Variants in SRGAP3 observed in about 807,000 individuals in gnomAD.
SRGAP3 encodes SLIT-ROBO Rho GTPase activating protein 3.
SRGAP3 carries 39 observed loss-of-function variants against 121.1 expected under a neutral mutation model. The observed-to-expected ratio is 0.32, with a 90% CI of 0.25 to 0.42. The LOEUF (loss-of-function observed/expected upper bound fraction) is 0.42, where lower values mean the gene tolerates loss of function less well. SRGAP3 is among the 10% of genes least tolerant of loss of function. SRGAP3 has a pLI of 1.00. For synonymous variants in SRGAP3, 601 were observed against 570.0 expected (o/e 1.05, Z -0.77); for missense variants, 1,213 against 1,470.6 (o/e 0.82, Z 2.86).
chr3:9,171,902 G>A (rs1950988819), intron 1 of SRGAP3, among the ~76,000 whole-genome samples: 1 of 152,028 alleles, frequency 6.6e-6, no homozygotes, highest in Non-Finnish European at 1.5e-5. Context: ...AAGGCTGTGA[G>A]GGTGAATCTG....
At chr3:9,305,358 CCT>C (rs1396156639) in intron 3 of SRGAP3, among the ~76,000 whole-genome samples, 7 of 140,454 alleles carry the variant, frequency 5.0e-5, no homozygotes, top group East Asian at 2.1e-4. Flanking sequence ...CACAGGAGGT[CCT>C]CTCTTTTTTT....
At chr3:8,986,118 C>T (rs1941691528) in intron 21 of SRGAP3, among the ~76,000 whole-genome samples, 186 bp from the exon 22 acceptor site, 2 of 152,150 alleles carry the variant, frequency 1.3e-5, no homozygotes. Context: ...TGCATGCTGC[C>T]TTGCACAGGA....
chr3:9,269,930 G>T (rs1954440756), intron 3 of SRGAP3, among the ~76,000 whole-genome samples: 1 of 152,120 alleles, frequency 6.6e-6, no homozygotes, highest in African/African-American at 2.4e-5. Context: ...AAGGAGGAAG[G>T]GAGGGAGGGA....
chr3:9,127,788 C>T (rs1949297150), intron 1 of SRGAP3, among the ~76,000 whole-genome samples: 2 of 152,116 alleles, frequency 1.3e-5, no homozygotes, highest in African/African-American at 2.4e-5. Context: ...CATGGTGGCA[C>T]ATGCCTCTAG....
At chr3:9,355,664 C>G (rs1018205639) in intron 1 of SRGAP3, 3 of 152,372 alleles carry the variant, frequency 2.0e-5, no homozygotes, top group Non-Finnish European at 4.4e-5. Flanking sequence ...CTCTCCAGCA[C>G]CGTCCACCAA....
At chr3:9,235,988 A>T (rs1334175645) in intron 1 of SRGAP3, 2 of 158,238 alleles carry the variant, frequency 1.3e-5, no homozygotes, top group African/African-American at 4.8e-5. Flanking sequence ...CATCCATACC[A>T]TCTTCAAGGT....
intron 1 of SRGAP3, among the ~76,000 whole-genome samples, chr3:9,207,441 C>T (rs188200204): frequency 1.5e-4 from 23 of 152,304 alleles, no homozygotes; most frequent in Non-Finnish European, 3.1e-4. Context: ...CAAAATCAAG[C>T]AAGTAATCCC....
intron 18 of SRGAP3, among the ~76,000 whole-genome samples, chr3:9,006,466 T>G (rs1047865522): frequency 6.7e-6 from 1 of 150,206 alleles, no homozygotes; most frequent in African/African-American, 2.4e-5. Context: ...TGTGCATAAA[T>G]CAACTAATGT....
intron 21 of SRGAP3, 107 bp downstream of exon 21, chr3:8,990,405 G>A (rs927366091): frequency 1.4e-6 from 2 of 1,398,104 alleles, no homozygotes; most frequent in Non-Finnish European, 2.0e-6. Context: ...CTCTGGCTTA[G>A]CCATGAGCCT....
At chr3:8,986,733 T>A (rs1941726814) in intron 21 of SRGAP3, among the ~76,000 whole-genome samples, 1 of 152,032 alleles carries the variant, frequency 6.6e-6, no homozygotes, top group African/African-American at 2.4e-5. Flanking sequence ...AATCAGAAAA[T>A]TTTTTTAAAA....
intron 1 of SRGAP3, among the ~76,000 whole-genome samples, chr3:9,181,093 A>G (rs1951382581): frequency 6.6e-6 from 1 of 152,214 alleles, no homozygotes; most frequent in Non-Finnish European, 1.5e-5. Flanking sequence ...ACTTCTTTAA[A>G]TTTCAGTTTC....
chr3:9,144,246 G>GT (rs1466085302), intron 1 of SRGAP3, among the ~76,000 whole-genome samples: 1 of 152,212 alleles, frequency 6.6e-6, no homozygotes, highest in Non-Finnish European at 1.5e-5. Flanking sequence ...TATGTGGCCT[G>GT]TAAGACCTAC....
Position 9,065,987 on chromosome 3 carries a change from C to T in SRGAP3, c.487-1406G>A, listed in dbSNP as rs565127242. Among the ~76,000 whole-genome samples, 81 of 152,200 alleles carry T rather than the reference C, an allele frequency of 5.3e-4. 1 individual carries two copies. Among genetic ancestry groups the T allele is most frequent in the African/African-American group, 1.8e-3 (74 of 41,530 alleles). On this transcript the variant is annotated intron_variant, in intron 4 of 21. Coordinates refer to ENST00000383836, the MANE Select transcript of SRGAP3 (RefSeq NM_014850.4). Reference sequence around the variant, plus strand: ...TGTATCATTTTTTCATAAATAGAGACGGGGTTTTGCCATGTTGTCCAAGCT... The same window carrying T: ...TGTATCATTTTTTCATAAATAGAGATGGGGTTTTGCCATGTTGTCCAAGCT...
intron 3 of SRGAP3, among the ~76,000 whole-genome samples, chr3:9,097,087 C>T (rs1948017246): frequency 6.6e-6 from 1 of 150,568 alleles, no homozygotes; most frequent in Admixed American, 6.6e-5. Context: ...AAATCCCAGG[C>T]TTAAGCAATC....
intron 3 of SRGAP3, among the ~76,000 whole-genome samples, chr3:9,299,557 G>A (rs952085429): frequency 3.3e-5 from 5 of 152,070 alleles, no homozygotes; most frequent in African/African-American, 1.2e-4. Context: ...TACGTTTTTG[G>A]TGGTTTATTA....
intron 1 of SRGAP3, among the ~76,000 whole-genome samples, chr3:9,136,407 C>G (rs1047294895): frequency 6.7e-6 from 1 of 150,270 alleles, no homozygotes; most frequent in Non-Finnish European, 1.5e-5. Flanking sequence ...CCCCCCCCCC[C>G]CGACCGCCCC....
intron 1 of SRGAP3, among the ~76,000 whole-genome samples, chr3:9,196,382 C>T (rs188664840): frequency 1.2e-4 from 18 of 152,308 alleles, no homozygotes; most frequent in Admixed American, 1.2e-3. Context: ...TGTACCAAAA[C>T]CTTTGGAGCC....
intron 1 of SRGAP3, among the ~76,000 whole-genome samples, chr3:9,201,070 A>G (rs1464976370): frequency 6.6e-6 from 1 of 152,174 alleles, no homozygotes; most frequent in Non-Finnish European, 1.5e-5. Context: ...CAATCAGCCA[A>G]TCCTGGTCCA....
chr3:9,267,720 G>A (rs933416589), intron 3 of SRGAP3, among the ~76,000 whole-genome samples: 2 of 152,162 alleles, frequency 1.3e-5, no homozygotes, highest in African/African-American at 4.8e-5. Flanking sequence ...ACCTGGGGAA[G>A]TCTTTGTGTT....
Sources: gnomAD v4.1 joint callset for allele counts (sites outside exome capture counted in the v4.1 genomes callset) on GRCh38, gnomAD v4.1.1 for gene constraint, MANE v1.5 for transcripts, NCBI Gene and HGNC (gene_info 2026-07-23, HGNC 2026-07-21) for gene names.